LHX4: variants seen among roughly 807,000 people sequenced by gnomAD.
LHX4 encodes the protein LIM/homeobox protein Lhx4.
A neutral mutation model predicts 39.2 loss-of-function variants in LHX4; 16 were observed. The ratio of observed to expected loss-of-function variants is 0.41; its 90% CI spans 0.28 to 0.62. The LOEUF is 0.62. LHX4 is among the 20% of genes least tolerant of loss of function. The pLI, the probability that LHX4 is intolerant of heterozygous loss-of-function variation, is 0.33. For missense variants in LHX4, 439 were observed against 511.9 expected (o/e 0.86, Z 1.37); for synonymous variants, 206 against 198.1 (o/e 1.04, Z -0.33).
At chr1:180,235,755 C>T (rs1179536432) in intron 1 of LHX4, among the ~76,000 whole-genome samples, 1 of 152,216 alleles carries the variant, frequency 6.6e-6, no homozygotes, top group African/African-American at 2.4e-5. Context: ...GTTGGCGGCA[C>T]TGTGCGCCGC....
At chr1:180,247,842 C>T (rs1647448396) in intron 1 of LHX4, among the ~76,000 whole-genome samples, 1 of 152,180 alleles carries the variant, frequency 6.6e-6, no homozygotes, top group African/African-American at 2.4e-5. Flanking sequence ...TCAGTCCAGG[C>T]CTGGGCAGGG....
rs1190644475 is a variant in LHX4, at chr1:180,232,016, G to A, written c.76+1411G>A. Among the ~76,000 whole-genome samples, 1 of 152,206 alleles carries A rather than the reference G, an allele frequency of 6.6e-6. No individual in the cohort carries two copies. Among genetic ancestry groups the A allele is most frequent in the Non-Finnish European group, 1.5e-5 (1 of 68,044 alleles). ...GCAATCAGTTCCACGTCTGTGTTGA[G>A]CCTTGGGGAGTTTACCGCTAAGATG... On this transcript the variant is annotated intron_variant, in intron 1 of 5. Coordinates refer to ENST00000263726, the MANE Select transcript of LHX4 (RefSeq NM_033343.4). This position sits in a 1 kb window ranked among gnomAD's most constrained non-coding sequence, Gnocchi z 5.4.
At chr1:180,248,230 G>T in intron 1 of LHX4, 55 bp from the exon 2 acceptor site, 1 of 1,590,714 alleles carries the variant, frequency 6.3e-7, no homozygotes, top group South Asian at 1.1e-5. Context: ...GGCCTGGCCT[G>T]GTTAGCAGGG....
In LHX4 at chr1:180,255,495, A is replaced by G. The variant is rs2149259155; in HGVS notation, c.248+7039A>G. On this transcript the variant is annotated intron_variant, in intron 2 of 5. Coordinates refer to ENST00000263726, the MANE Select transcript of LHX4 (RefSeq NM_033343.4). ...ATGTGTGACTTTCCATAATTTCTGA[A>G]TAGTTTATAGTCTAATTTCCTCGCT... 2.6e-5 allele frequency among the ~76,000 whole-genome samples: 4 copies of G among 152,352 alleles called. No individual in the cohort carries two copies. The South Asian group carries it at 8.3e-4, about 32-fold the overall frequency.
chr1:180,257,955 T>C (rs1647936585), intron 2 of LHX4, among the ~76,000 whole-genome samples: 1 of 152,216 alleles, frequency 6.6e-6, no homozygotes, highest in South Asian at 2.1e-4. Context: ...AACTTCAGTG[T>C]CCTCATGTCC....
rs1281184665 is a variant in LHX4, at chr1:180,234,596, G to A, written c.76+3991G>A. Among the ~76,000 whole-genome samples the A allele has an allele frequency of 6.6e-6, 1 of 152,246 alleles. No individual in the cohort carries two copies. Among genetic ancestry groups the A allele is most frequent in the African/African-American group, 2.4e-5 (1 of 41,478 alleles). On this transcript the variant is annotated intron_variant, in intron 1 of 5. Coordinates refer to ENST00000263726, the MANE Select transcript of LHX4 (RefSeq NM_033343.4). This position sits in a 1 kb window ranked among gnomAD's most constrained non-coding sequence, Gnocchi z 4.8. The stretch of plus-strand genomic sequence containing the variant: ...GGCCGTTAGCACGGAGGGAAGCTTG[G>A]AAAGCCGCTGTCCCAGTGCGCTCCG...
At chr1:180,231,508 TC>T (rs1265580283) in intron 1 of LHX4, among the ~76,000 whole-genome samples, 2 of 143,274 alleles carry the variant, frequency 1.4e-5, no homozygotes, top group African/African-American at 5.0e-5. Context: ...TGAGCGAGAG[TC>T]CCCGAGAGGG....
Position 180,274,756 on chromosome 1 carries a change from T to C in LHX4, c.*177T>C. ...AGACCACACTAGGGCATTGTTTCCC[T>C]GGGGAAGCAGTGGGAGAGCAGACTC... On this transcript the variant is annotated 3_prime_UTR_variant, in exon 6 of 6. Coordinates refer to ENST00000263726, the MANE Select transcript of LHX4 (RefSeq NM_033343.4). The C allele has an allele frequency of 1.4e-6, 1 of 719,502 alleles. No homozygotes were observed. The highest frequency in any genetic ancestry group is 2.2e-6 in the Non-Finnish European group (1 of 450,558). The allele number at this position is 719,502 out of a possible 1,614,324, so 44.6% of individuals were successfully genotyped here.
At chr1:180,271,262 C>G in intron 3 of LHX4, 118 bp from the exon 4 acceptor site, 1 of 1,136,378 alleles carries the variant, frequency 8.8e-7, no homozygotes, top group Non-Finnish European at 1.3e-6. Flanking sequence ...CTGTGCCTCG[C>G]GCTGTCCTGC....
chr1:180,271,138 G>A, intron 3 of LHX4: 1 of 575,248 alleles, frequency 1.7e-6, no homozygotes, highest in Non-Finnish European at 3.1e-6. Context: ...GGAGGGTTGA[G>A]GCAGGGAGCT....
intron 5 of LHX4, chr1:180,272,917 C>T (rs1394200659): frequency 6.6e-6 from 1 of 152,248 alleles, no homozygotes; most frequent in East Asian, 1.9e-4. Flanking sequence ...TGATCGTTCC[C>T]ACAGGGAGCG....
intron 2 of LHX4, among the ~76,000 whole-genome samples, chr1:180,264,500 T>A (rs1313483445): frequency 6.6e-6 from 1 of 152,158 alleles, no homozygotes; most frequent in African/African-American, 2.4e-5. Context: ...CTCACCTGTG[T>A]TCTGGGAGGT....
At chr1:180,238,709 A>C (rs1664382318) in intron 1 of LHX4, among the ~76,000 whole-genome samples, 1 of 152,242 alleles carries the variant, frequency 6.6e-6, no homozygotes, top group Non-Finnish European at 1.5e-5. Flanking sequence ...GAATTTTATA[A>C]AAACATTTTG....
Position 180,274,810 on chromosome 1 carries a change from G to T in LHX4, c.*231G>T. 1.9e-6 allele frequency: 1 copy of T among 520,570 alleles called. No homozygotes were observed. Among genetic ancestry groups the T allele is most frequent in the Non-Finnish European group, 3.4e-6 (1 of 296,386 alleles). The allele number at this position is 520,570 out of a possible 1,614,324, so 32.2% of individuals were successfully genotyped here. A position where few individuals can be genotyped will look rare whatever the true frequency, so the allele number is the denominator to read the frequency against. ...TCAGAACACAGCACAGGGGGTAATG[G>T]CCTAGAGCTCTAGGGACACTGGCTT... On this transcript the variant is annotated 3_prime_UTR_variant, in exon 6 of 6. Coordinates refer to ENST00000263726, the MANE Select transcript of LHX4 (RefSeq NM_033343.4).
At position 180,272,024 on chromosome 1, in the gene LHX4, G is replaced by A; in HGVS notation, c.778+18G>A. On this transcript the variant is annotated intron_variant, in intron 5 of 5. Coordinates refer to ENST00000263726, the MANE Select transcript of LHX4 (RefSeq NM_033343.4). Reference sequence around the variant, plus strand: ...CTTCCGAGGTGAGCAGGGCTGGAGGGGCCAGGCCGAGGCCTTAGGAAAGTC... The same window carrying A: ...CTTCCGAGGTGAGCAGGGCTGGAGGAGCCAGGCCGAGGCCTTAGGAAAGTC... 1 of 1,606,802 alleles carries A rather than the reference G, an allele frequency of 6.2e-7. No homozygotes were observed. Among genetic ancestry groups the A allele is most frequent in the South Asian group, 1.1e-5 (1 of 90,284 alleles).
intron 1 of LHX4, among the ~76,000 whole-genome samples, chr1:180,238,320 G>A (rs1260354119): frequency 6.6e-6 from 1 of 152,178 alleles, no homozygotes; most frequent in Non-Finnish European, 1.5e-5. Flanking sequence ...GCAAGTGAAG[G>A]GAAAGGACAG....
chr1:180,278,196 C>T lies in LHX4; in HGVS notation c.*3617C>T, dbSNP rs182835564. On this transcript the variant is annotated 3_prime_UTR_variant, in exon 6 of 6. Coordinates refer to ENST00000263726, the MANE Select transcript of LHX4 (RefSeq NM_033343.4). ...GCAGGGTCTGGAAGGCCTGAGGAGG[C>T]TCATTTTTAAACACTGCACTTTAAA... is the stretch of plus-strand genomic sequence containing the variant. 6.6e-6 allele frequency: 1 copy of T among 152,328 alleles called. No individual in the cohort carries two copies. The highest frequency in any genetic ancestry group is 6.5e-5 in the Admixed American group (1 of 15,304). 9.4% of individuals were successfully genotyped at this position (152,328 alleles called of 1,614,324 possible).
At chr1:180,267,870 G>A (rs1387524359) in intron 3 of LHX4, among the ~76,000 whole-genome samples, 1 of 152,152 alleles carries the variant, frequency 6.6e-6, no homozygotes, top group Non-Finnish European at 1.5e-5. Flanking sequence ...AAGCAGAGGG[G>A]ATTCATAAGG....
At chr1:180,265,960 C>T (rs17300107) in intron 2 of LHX4, among the ~76,000 whole-genome samples, 22,568 of 152,192 alleles carry the variant, frequency 0.15, 2,012 homozygotes, top group Middle Eastern at 0.24. Context: ...TGGGTGCTTT[C>T]TACACACAGC....
Sources: gnomAD v4.1 joint callset for allele counts (sites outside exome capture counted in the v4.1 genomes callset) on GRCh38, gnomAD v4.1.1 for gene constraint, Gnocchi (gnomAD v3.1) non-coding constraint, MANE v1.5 for transcripts, NCBI Gene and HGNC (gene_info 2026-07-23, HGNC 2026-07-21) for gene names.